Variants in CUX2 observed in about 807,000 individuals in gnomAD.
CUX2 encodes cut like homeobox 2.
Under a neutral mutation model 144.8 loss-of-function variants are expected in CUX2, and 40 were observed. The ratio of observed to expected loss-of-function variants is 0.28; its 90% CI spans 0.21 to 0.36. The LOEUF (loss-of-function observed/expected upper bound fraction) is 0.36. Ranked by LOEUF, CUX2 falls within the 10% of genes least tolerant of loss-of-function variation. The probability of loss-of-function intolerance (pLI) is 1.00; values close to 1 mark genes in which losing one functional copy is unlikely to be tolerated. For missense variants in CUX2, 1,615 were observed against 1,994.0 expected, an observed-to-expected ratio of 0.81 and a Z score of 3.62; for synonymous variants, 827 against 875.6, an observed-to-expected ratio of 0.94 and a Z score of 0.98.
intron 12 of CUX2, 104 bp from the exon 13 acceptor site, chr12:111,308,181 A>G: frequency 8.2e-7 from 1 of 1,225,018 alleles, no homozygotes; most frequent in Non-Finnish European, 1.2e-6. Flanking sequence ...TGGGGAATGG[A>G]GCAGTCATTG....
At chr12:111,169,807 A>T (rs1043951804) in intron 1 of CUX2, among the ~76,000 whole-genome samples, 1 of 152,306 alleles carries the variant, frequency 6.6e-6, no homozygotes, top group East Asian at 1.9e-4. Flanking sequence ...CGCCTTATGT[A>T]TTGGGACAAT....
At chr12:111,217,267 G>A (rs556902227) in intron 2 of CUX2, among the ~76,000 whole-genome samples, 14 of 152,196 alleles carry the variant, frequency 9.2e-5, no homozygotes, top group Non-Finnish European at 1.8e-4. Flanking sequence ...TGCAGAGCTC[G>A]AATGGGGTAT....
chr12:111,227,843 C>A (rs539392256), intron 3 of CUX2, among the ~76,000 whole-genome samples: 125 of 152,248 alleles, frequency 8.2e-4, no homozygotes, highest in Admixed American at 1.0e-3. Flanking sequence ...GTATTTGGCA[C>A]CTGTTGTATA....
chr12:111,311,917 T>C (rs1418304090), intron 15 of CUX2, among the ~76,000 whole-genome samples, 183 bp from the exon 16 acceptor site: 1 of 152,072 alleles, frequency 6.6e-6, no homozygotes, highest in Admixed American at 6.6e-5. Context: ...TGATTCTTAT[T>C]TCACACCAGA....
chr12:111,183,573 C>T lies in CUX2; in HGVS notation c.64-30627C>T, dbSNP rs1188931526. ...GGGTTAAACGCTCAAACCCTAAAGT[C>T]AACAGACCTTGGTTTGAATCCCAGC... is the stretch of plus-strand genomic sequence containing the variant. On this transcript the variant is annotated intron_variant, in intron 1 of 21. Transcript: ENST00000261726. Among the ~76,000 whole-genome samples, 3 of 152,226 alleles carry T rather than the reference C, an allele frequency of 2.0e-5. No individual in the cohort carries two copies. The East Asian group carries it at 5.8e-4, about 29-fold the overall frequency.
intron 1 of CUX2, among the ~76,000 whole-genome samples, chr12:111,091,795 C>CCA (rs1442830391): frequency 6.6e-6 from 1 of 152,208 alleles, no homozygotes; most frequent in Non-Finnish European, 1.5e-5. Context: ...TGGCTGCCGG[C>CCA]CCTGCCTGGT....
intron 3 of CUX2, among the ~76,000 whole-genome samples, chr12:111,230,628 T>C (rs186444739): frequency 6.6e-6 from 1 of 152,336 alleles, no homozygotes; most frequent in Admixed American, 6.5e-5. Context: ...CTGGTGTTCT[T>C]GGTCTAGCAT....
rs1804475506 is a variant in CUX2, at chr12:111,178,855, A to C, written c.64-35345A>C. 6.6e-6 allele frequency among the ~76,000 whole-genome samples: 1 copy of C among 152,092 alleles called. No individual in the cohort carries two copies. The highest frequency in any genetic ancestry group is 2.1e-4 in the South Asian group (1 of 4,816). ...TGGTGATATCCCAGGGCTGAGCTGGAAGACCGTGTGCATGTGCCAGGTCCA... is the reference window on the plus strand; with the variant it reads ...TGGTGATATCCCAGGGCTGAGCTGGCAGACCGTGTGCATGTGCCAGGTCCA... On this transcript the variant is annotated intron_variant, in intron 1 of 21. Transcript: ENST00000261726. The surrounding 1 kb of genome is among the most constrained non-coding windows in gnomAD (Gnocchi z 5.7).
intron 1 of CUX2, among the ~76,000 whole-genome samples, chr12:111,170,178 G>A (rs905104673): frequency 1.3e-5 from 2 of 152,250 alleles, no homozygotes; most frequent in East Asian, 1.9e-4. Context: ...GGTGGCTCAC[G>A]CCTGTAATCC....
At chr12:111,124,128 C>CCCCT (rs1874886663) in intron 1 of CUX2, among the ~76,000 whole-genome samples, 1 of 152,192 alleles carries the variant, frequency 6.6e-6, no homozygotes. Flanking sequence ...AAACCGCATA[C>CCCCT]CCCTGAGCAG....
intron 4 of CUX2, among the ~76,000 whole-genome samples, chr12:111,279,393 G>A (rs922852986): frequency 6.6e-6 from 1 of 152,216 alleles, no homozygotes; most frequent in Non-Finnish European, 1.5e-5. Context: ...GTGTCCTCCA[G>A]AAAGATATGT....
chr12:111,347,565 A>T lies in CUX2; in HGVS notation c.3701A>T (p.Asp1234Val), dbSNP rs946815062. 4 of 1,610,946 alleles carry T rather than the reference A, an allele frequency of 2.5e-6. No homozygotes were observed. Among genetic ancestry groups the T allele is most frequent in the Non-Finnish European group, 3.4e-6 (4 of 1,178,956 alleles). Reference sequence around the variant, plus strand: ...GAGATGTTGGTGGAGGGGACCCAGGATGAGCCAGACCTTGATCCAAGCGGG... The same window carrying T: ...GAGATGTTGGTGGAGGGGACCCAGGTTGAGCCAGACCTTGATCCAAGCGGG... ...RREMLVEGTQDEPDLDPSGGP... is the reference protein window; with the variant it reads ...RREMLVEGTQVEPDLDPSGGP... The change falls in exon 22 of 22, where the codon GAT becomes GTT. Residue 1234 changes from aspartate (D) to valine (V), a missense_variant. This residue lies in a region of CUX2 where 298 missense variants were observed against 330.4 expected (regional missense o/e 0.90). Transcript: ENST00000261726.
In CUX2 at chr12:111,304,525, C is replaced by T. The variant is rs550879756; in HGVS notation, c.858+211C>T. ...CCAGCTGAGGATAAAAATACAGCTA[C>T]AGTTCTTTACTTTTCAAGCCCACGT... is the stretch of plus-strand genomic sequence containing the variant. On this transcript the variant is annotated intron_variant, in intron 10 of 21. Transcript: ENST00000261726. This position sits in a 1 kb window ranked among gnomAD's most constrained non-coding sequence, Gnocchi z 4.7. Among the ~76,000 whole-genome samples the T allele has an allele frequency of 9.8e-4, 150 of 152,286 alleles. 3 individuals are homozygous for T. The highest frequency in any genetic ancestry group is 3.4e-3 in the African/African-American group (141 of 41,558).
At chr12:111,136,399 G>A (rs1396279477) in intron 1 of CUX2, among the ~76,000 whole-genome samples, 1 of 152,106 alleles carries the variant, frequency 6.6e-6, no homozygotes, top group African/African-American at 2.4e-5. Context: ...CCAGGTGGGG[G>A]CTCTGCTTTG....
intron 1 of CUX2, among the ~76,000 whole-genome samples, chr12:111,146,979 C>CA (rs1465190316): frequency 1.3e-5 from 2 of 151,980 alleles, no homozygotes; most frequent in Admixed American, 6.6e-5. Context: ...ATTAAAAATA[C>CA]AAAAAATTAG....
At chr12:111,188,199 G>T (rs959965813) in intron 1 of CUX2, among the ~76,000 whole-genome samples, 1 of 152,224 alleles carries the variant, frequency 6.6e-6, no homozygotes, top group Non-Finnish European at 1.5e-5. Context: ...TTGTGGAATG[G>T]ATTTTTCTAC....
chr12:111,150,114 T>G (rs570668896), intron 1 of CUX2, among the ~76,000 whole-genome samples: 1 of 152,318 alleles, frequency 6.6e-6, no homozygotes, highest in South Asian at 2.1e-4. Context: ...TTCCAAAGGT[T>G]TGTCCACTGC....
intron 4 of CUX2, among the ~76,000 whole-genome samples, chr12:111,283,072 G>A (rs960576896): frequency 1.3e-5 from 2 of 152,024 alleles, no homozygotes; most frequent in Non-Finnish European, 2.9e-5. Context: ...AAAAAAATTA[G>A]CCAGGTGTGG....
intron 21 of CUX2, among the ~76,000 whole-genome samples, chr12:111,344,524 G>A (rs890017065): frequency 3.9e-5 from 6 of 152,184 alleles, no homozygotes; most frequent in Non-Finnish European, 7.3e-5. Context: ...TATTTCATTT[G>A]GTAAATGTTT....
Sources: allele counts gnomAD v4.1 joint callset (sites outside exome capture counted in the v4.1 genomes callset), GRCh38; gene constraint gnomAD v4.1.1; regional missense constraint gnomAD v4.1.1; non-coding constraint Gnocchi (gnomAD v3.1); transcripts MANE v1.5; gene names NCBI Gene and HGNC (gene_info 2026-07-23, HGNC 2026-07-21).